The following VPS13A variants were observed in gnomAD, a reference collection of about 807,000 sequenced individuals.
VPS13A encodes vacuolar protein sorting 13 homolog A, also known as intermembrane lipid transfer protein VPS13A.
Under a neutral mutation model 390.9 loss-of-function variants are expected in VPS13A, and 264 were observed. The ratio of observed to expected loss-of-function variants is 0.68; its 90% CI spans 0.61 to 0.75. The LOEUF is 0.75. Ranked by LOEUF, VPS13A falls within the 30% of genes least tolerant of loss-of-function variation. VPS13A has a pLI of 0.00. For missense variants in VPS13A, 3,409 were observed against 3,733.9 expected (o/e 0.91, Z 2.27); for synonymous variants, 1,231 against 1,227.1 (o/e 1.00, Z -0.07).
intron 54 of VPS13A, 117 bp from the exon 55 acceptor site, chr9:77,356,597 G>GT: frequency 8.8e-7 from 1 of 1,135,518 alleles, no homozygotes; most frequent in Non-Finnish European, 1.3e-6. Context: ...ATGCTCACTT[G>GT]TAATTGAGGC....
At chr9:77,341,681 G>A (rs532976759) in intron 50 of VPS13A, among the ~76,000 whole-genome samples, 1,152 of 99,224 alleles carry the variant, frequency 0.012, 10 homozygotes, top group Middle Eastern at 0.018. Context: ...GTTCTACATG[G>A]ACATCTTTCC....
At chr9:77,263,908 G>C (rs1049174110) in intron 23 of VPS13A, among the ~76,000 whole-genome samples, 4 of 152,126 alleles carry the variant, frequency 2.6e-5, no homozygotes, top group Admixed American at 2.6e-4. Context: ...AATCCATCTT[G>C]AATTAATTTT....
At chr9:77,198,690 G>A (rs1203972685) in intron 1 of VPS13A, among the ~76,000 whole-genome samples, 1 of 152,092 alleles carries the variant, frequency 6.6e-6, no homozygotes, top group South Asian at 2.1e-4. Flanking sequence ...TTGAGATGGA[G>A]TCTCACTCTG....
At chr9:77,192,628 G>T (rs1824750401) in intron 1 of VPS13A, among the ~76,000 whole-genome samples, 1 of 152,102 alleles carries the variant, frequency 6.6e-6, no homozygotes, top group Non-Finnish European at 1.5e-5. Context: ...TGAAATTCTT[G>T]GTTGGAATTT....
chr9:77,403,460 G>C lies in VPS13A; in HGVS notation c.9275+139G>C, dbSNP rs12352196. ...TCTTCTTGCTCCACAAGCCTAACTC[G>C]CTAAACATTACATAAATTTCCTGCA... On this transcript the variant is annotated intron_variant, in intron 69 of 71. Transcript: ENST00000360280. The C allele has an allele frequency of 0.29, 208,798 of 729,898 alleles. 31,933 individuals are homozygous for C. Among genetic ancestry groups the C allele is most frequent in the Middle Eastern group, 0.35 (1,053 of 3,000 alleles). The allele number at this position is 729,898 out of a possible 1,614,324, so 45.2% of individuals were successfully genotyped here.
In VPS13A at chr9:77,384,631, G is replaced by GTGATGA. The variant is rs113052866; in HGVS notation, c.9189+2572_9189+2577dup. 4.0e-4 allele frequency: 647 copies of GTGATGA among 1,606,102 alleles called. 1 individual carries two copies. The highest frequency in any genetic ancestry group is 1.1e-3 in the African/African-American group (81 of 74,532). ...TGGATTATGACTCACAGTAGCAGTA[G>GTGATGA]TGATGATGATGATGATGATGATGAT... On this transcript the variant is annotated intron_variant, in intron 68 of 71. Coordinates refer to ENST00000360280, the MANE Select transcript of VPS13A (RefSeq NM_033305.3).
chr9:77,353,823 G>A (rs1831610409), intron 54 of VPS13A, among the ~76,000 whole-genome samples, 182 bp downstream of exon 54: 1 of 152,014 alleles, frequency 6.6e-6, no homozygotes, highest in South Asian at 2.1e-4. Context: ...TAAAGATATG[G>A]CAGAAATCAA....
At position 77,369,317 on chromosome 9, in the gene VPS13A, G is replaced by A. The variant is rs1216801036; in HGVS notation, c.8572G>A (p.Val2858Ile). Residue 2858 changes from valine to isoleucine, a missense_variant, in exon 63 of 72, where the codon GTA becomes ATA. Coordinates refer to ENST00000360280, the MANE Select transcript of VPS13A (RefSeq NM_033305.3). ...TTTTTAGGCCATTAAGCAGATGTAT[G>A]TACTCATTCTTGGACTTGATGTTTT... ...YSKQAIKQMY[V>I]LILGLDVLGN... is the part of the protein sequence containing the mutation. The A allele has an allele frequency of 1.2e-6, 2 of 1,612,446 alleles. No individual in the cohort carries two copies. The highest frequency in any genetic ancestry group is 1.7e-6 in the Non-Finnish European group (2 of 1,178,716).
intron 2 of VPS13A, 39 bp from the exon 3 acceptor site, chr9:77,201,326 T>A (rs770094234): frequency 7.1e-7 from 1 of 1,399,544 alleles, no homozygotes; most frequent in East Asian, 2.3e-5. Context: ...AAACTCTATA[T>A]CTACTAATGT....
chr9:77,360,751 T>C (rs1295258790), intron 59 of VPS13A, 110 bp downstream of exon 59: 3 of 806,894 alleles, frequency 3.7e-6, no homozygotes, highest in Non-Finnish European at 6.1e-6. Flanking sequence ...TACAATTAAA[T>C]AAATTTTATT....
intron 2 of VPS13A, among the ~76,000 whole-genome samples, chr9:77,201,106 T>C (rs1272515388): frequency 6.6e-6 from 1 of 152,196 alleles, no homozygotes; most frequent in African/African-American, 2.4e-5. Context: ...TGATTTGATA[T>C]GAGTAGATTT....
At chr9:77,212,651 A>G (rs1272756115) in intron 7 of VPS13A, among the ~76,000 whole-genome samples, 2 of 152,144 alleles carry the variant, frequency 1.3e-5, no homozygotes, top group East Asian at 3.8e-4. Flanking sequence ...TGCAAATCTA[A>G]ATAGCTCCTA....
intron 31 of VPS13A, among the ~76,000 whole-genome samples, chr9:77,292,188 T>C (rs1053924160): frequency 6.6e-6 from 1 of 152,176 alleles, no homozygotes; most frequent in African/African-American, 2.4e-5. Flanking sequence ...TGCACCCATC[T>C]CCCGTCTTTC....
intron 68 of VPS13A, among the ~76,000 whole-genome samples, chr9:77,401,142 C>CTAT (rs1834373327): frequency 6.6e-6 from 1 of 152,308 alleles, no homozygotes; most frequent in South Asian, 2.1e-4. Context: ...CACCACCAAA[C>CTAT]TATTTCACTA....
intron 17 of VPS13A, among the ~76,000 whole-genome samples, chr9:77,231,590 T>C (rs1823833761): frequency 6.6e-6 from 1 of 152,182 alleles, no homozygotes; most frequent in South Asian, 2.1e-4. Flanking sequence ...GGGTCTTTTT[T>C]TTAATTGAGT....
At chr9:77,403,403 T>A in intron 69 of VPS13A, 82 bp downstream of exon 69, 1 of 1,131,240 alleles carries the variant, frequency 8.8e-7, no homozygotes, top group Admixed American at 1.8e-5. Context: ...GTTATTCACC[T>A]TTTGTTCCAT....
intron 45 of VPS13A, among the ~76,000 whole-genome samples, chr9:77,327,086 G>A (rs927299887): frequency 6.6e-6 from 1 of 152,188 alleles, no homozygotes; most frequent in Admixed American, 6.5e-5. Context: ...TCTCCAGACA[G>A]CAAGCTGGGT....
In VPS13A at chr9:77,252,293, C is replaced by T; in HGVS notation, c.2229C>T (p.Pro743=). ...LSVSTQHILV[P]MHFNLELSKA... Reference sequence around the variant, plus strand: ...TATCTACCCAGCATATTTTGGTACCCATGCACTTCAATTTGGAACTGTCTA... The same window carrying T: ...TATCTACCCAGCATATTTTGGTACCTATGCACTTCAATTTGGAACTGTCTA... Residue 743 remains proline (P), a synonymous_variant, in exon 22 of 72, where the codon CCC becomes CCT. Transcript: ENST00000360280. 6.2e-7 allele frequency: 1 copy of T among 1,613,954 alleles called. No individual in the cohort carries two copies. Among genetic ancestry groups the T allele is most frequent in the Non-Finnish European group, 8.5e-7 (1 of 1,179,914 alleles).
intron 68 of VPS13A, among the ~76,000 whole-genome samples, chr9:77,384,269 A>G (rs947204231): frequency 1.3e-5 from 2 of 151,842 alleles, no homozygotes; most frequent in Non-Finnish European, 3.0e-5. Flanking sequence ...AGAAGGTAGC[A>G]CATTATTACA....
Sources: allele counts gnomAD v4.1 joint callset (sites outside exome capture counted in the v4.1 genomes callset), GRCh38; gene constraint gnomAD v4.1.1; transcripts MANE v1.5; gene names NCBI Gene and HGNC (gene_info 2026-07-23, HGNC 2026-07-21).